NRG2: variants seen among roughly 807,000 people sequenced by gnomAD.
The protein encoded by NRG2 is pro-neuregulin-2, membrane-bound isoform.
A neutral mutation model predicts 73.9 loss-of-function variants in NRG2; 27 were observed. The ratio of observed to expected loss-of-function variants is 0.37; its 90% CI spans 0.27 to 0.50. The LOEUF is 0.50. Among genes scored for constraint, NRG2 ranks in the 20% least tolerant of loss-of-function variants. The pLI is 0.96. For missense variants in NRG2, 1,126 were observed against 1,210.1 expected (o/e 0.93, Z 1.03); for synonymous variants, 532 against 541.0 (o/e 0.98, Z 0.23).
rs1433978401 is a variant in NRG2 at position 139,887,388 on chromosome 5, T to C, written c.824A>G (p.Lys275Arg). ...AATGTCTCGGCTGCGGTTGAGCTCCTTGCCATCCTTGAACCAACGGTAGGA... is the reference window on the plus strand; with the variant it reads ...AATGTCTCGGCTGCGGTTGAGCTCCCTGCCATCCTTGAACCAACGGTAGGA... ...QPSYRWFKDG[K>R]ELNRSRDIRI... The change falls in exon 2 of 10, where the codon AAG (lysine) becomes AGG (arginine). Residue 275 changes from lysine (K) to arginine (R), a missense_variant. Transcript: ENST00000361474. This position sits in a 1 kb window ranked among gnomAD's most constrained non-coding sequence, Gnocchi z 4.5. The C allele has an allele frequency of 1.2e-6, 2 of 1,614,228 alleles. No homozygotes were observed. The highest frequency in any genetic ancestry group is 1.7e-6 in the Non-Finnish European group (2 of 1,180,038).
intron 1 of NRG2, among the ~76,000 whole-genome samples, chr5:139,926,907 G>A (rs1423801848): frequency 2.0e-5 from 3 of 152,202 alleles, no homozygotes; most frequent in Non-Finnish European, 4.4e-5. Context: ...CCATTCCAAA[G>A]TGGATGTGAT....
At chr5:139,888,224 A>G (rs1327052639) in intron 1 of NRG2, among the ~76,000 whole-genome samples, 3 of 152,176 alleles carry the variant, frequency 2.0e-5, no homozygotes, top group Non-Finnish European at 4.4e-5. Flanking sequence ...CCAGTGGGAT[A>G]GTCCCTTACA....
At chr5:139,982,126 C>A (rs1756848540) in intron 1 of NRG2, among the ~76,000 whole-genome samples, 2 of 152,148 alleles carry the variant, frequency 1.3e-5, no homozygotes, top group African/African-American at 4.8e-5. Flanking sequence ...CATGGCTTCC[C>A]ACACCTCCTC....
At chr5:139,967,118 G>A (rs1411974364) in intron 1 of NRG2, among the ~76,000 whole-genome samples, 1 of 152,218 alleles carries the variant, frequency 6.6e-6, no homozygotes, top group Non-Finnish European at 1.5e-5. Context: ...ATAGCCCACG[G>A]GGATAGGGTC....
At chr5:139,933,724 G>T (rs1752643846) in intron 1 of NRG2, among the ~76,000 whole-genome samples, 1 of 152,090 alleles carries the variant, frequency 6.6e-6, no homozygotes, top group African/African-American at 2.4e-5. Flanking sequence ...AGAAATGAGT[G>T]AACTATTAAC....
chr5:139,875,871 G>T (rs1763145113), intron 3 of NRG2, among the ~76,000 whole-genome samples: 1 of 152,232 alleles, frequency 6.6e-6, no homozygotes, highest in South Asian at 2.1e-4. Flanking sequence ...GAAATTGGAA[G>T]CCGTATGCAT....
chr5:139,880,113 G>A (rs1010449280), intron 3 of NRG2, among the ~76,000 whole-genome samples: 2 of 152,164 alleles, frequency 1.3e-5, no homozygotes, highest in East Asian at 3.8e-4. Flanking sequence ...TGTGTGTGTT[G>A]GGGGGAGGAG....
intron 3 of NRG2, among the ~76,000 whole-genome samples, chr5:139,880,030 C>T (rs1233321990): frequency 6.6e-6 from 1 of 152,050 alleles, no homozygotes; most frequent in Admixed American, 6.6e-5. Flanking sequence ...ATGACAGATA[C>T]AGGATTATAT....
At chr5:139,893,854 A>G (rs1050051075) in intron 1 of NRG2, among the ~76,000 whole-genome samples, 2 of 152,164 alleles carry the variant, frequency 1.3e-5, no homozygotes, top group Admixed American at 6.5e-5. Flanking sequence ...CGGGCTCCAT[A>G]AAACTTTAGG....
At chr5:139,858,075 C>T (rs1047967081) in intron 5 of NRG2, among the ~76,000 whole-genome samples, 1 of 152,208 alleles carries the variant, frequency 6.6e-6, no homozygotes, top group African/African-American at 2.4e-5. Context: ...TCATTTTACT[C>T]CCCTGTTTAG....
At chr5:140,023,032 A>G (rs1760365330) in intron 1 of NRG2, among the ~76,000 whole-genome samples, 1 of 152,176 alleles carries the variant, frequency 6.6e-6, no homozygotes. Flanking sequence ...CCTGGCTTCT[A>G]GGACTTTATA....
At chr5:140,011,612 C>T (rs978782598) in intron 1 of NRG2, among the ~76,000 whole-genome samples, 3 of 152,128 alleles carry the variant, frequency 2.0e-5, no homozygotes, top group Non-Finnish European at 4.4e-5. Flanking sequence ...TGGCAGGGAA[C>T]TGATGCCTCT....
rs1244341336 is a variant in NRG2, at chr5:139,852,216, G to A, written c.1544+216C>T. 6.6e-6 allele frequency among the ~76,000 whole-genome samples: 1 copy of A among 152,240 alleles called. No homozygotes were observed. Among genetic ancestry groups the A allele is most frequent in the African/African-American group, 2.4e-5 (1 of 41,464 alleles). Reference sequence around the variant, plus strand: ...CTATTTCCTGGTGCTCCCGAGGGAAGAAGGGAGCCAGCCATGTTATTTTTG... The same window carrying A: ...CTATTTCCTGGTGCTCCCGAGGGAAAAAGGGAGCCAGCCATGTTATTTTTG... On this transcript the variant is annotated intron_variant, in intron 8 of 9. Transcript: ENST00000361474. The surrounding 1 kb of genome is among the most constrained non-coding windows in gnomAD (Gnocchi z 4.4).
rs369793428 is a variant in NRG2, at chr5:139,851,149, G to C, written c.1772+455C>G. ...TTACAGGCATGTGCCACCATGCCTG[G>C]CTAATTTTTGTATTTTTAGTAAAGA... On this transcript the variant is annotated intron_variant, in intron 9 of 9. Transcript: ENST00000361474. This position sits in a 1 kb window ranked among gnomAD's most constrained non-coding sequence, Gnocchi z 4.2. 3.1e-4 allele frequency among the ~76,000 whole-genome samples: 47 copies of C among 152,144 alleles called. No homozygotes were observed. The highest frequency in any genetic ancestry group is 1.1e-3 in the African/African-American group (45 of 41,516).
chr5:139,998,921 ACT>A (rs1758231129), intron 1 of NRG2, among the ~76,000 whole-genome samples: 2 of 152,092 alleles, frequency 1.3e-5, no homozygotes. Flanking sequence ...ATAGCAGAAG[ACT>A]CTGAATCCTA....
At position 139,853,023 on chromosome 5, in the gene NRG2, G is replaced by C. The variant is rs772709368; in HGVS notation, c.1297C>G (p.Gln433Glu). 1 of 1,613,470 alleles carries C rather than the reference G, an allele frequency of 6.2e-7. No individual in the cohort carries two copies. Among genetic ancestry groups the C allele is most frequent in the Non-Finnish European group, 8.5e-7 (1 of 1,179,748 alleles). Residue 433 changes from glutamine to glutamate, a missense_variant, in exon 7 of 10, where the codon CAG becomes GAG. Gln to Glu is a conservative substitution (Grantham distance 29). Coordinates refer to ENST00000361474, the MANE Select transcript of NRG2 (RefSeq NM_004883.3). This position sits in a 1 kb window ranked among gnomAD's most constrained non-coding sequence, Gnocchi z 4.1. Reference protein sequence around the residue: ...CVVAYCKTKKQRKQMHNHLRQ... With the variant: ...CVVAYCKTKKERKQMHNHLRQ... ...AGGTGGTTGTGCATCTGCTTCCGCT[G>C]TTTTCTGCACAAGGGAAGGGAAGGT...
At chr5:139,984,404 T>C (rs572613153) in intron 1 of NRG2, among the ~76,000 whole-genome samples, 38 of 152,274 alleles carry the variant, frequency 2.5e-4, no homozygotes, top group Non-Finnish European at 5.1e-4. Context: ...TAAAATTACA[T>C]GAACATTAAG....
intron 1 of NRG2, among the ~76,000 whole-genome samples, chr5:139,920,734 G>A (rs895244154): frequency 3.3e-5 from 5 of 152,102 alleles, no homozygotes; most frequent in Non-Finnish European, 7.4e-5. Context: ...CTGAGGGTAG[G>A]GAAGGCAGAA....
At chr5:139,925,158 T>C (rs1029239875) in intron 1 of NRG2, among the ~76,000 whole-genome samples, 1 of 152,278 alleles carries the variant, frequency 6.6e-6, no homozygotes, top group East Asian at 1.9e-4. Context: ...AGTTCTATTG[T>C]ATGGTTTCCT....
Sources: allele counts gnomAD v4.1 joint callset (sites outside exome capture counted in the v4.1 genomes callset), GRCh38; gene constraint gnomAD v4.1.1; non-coding constraint Gnocchi (gnomAD v3.1); transcripts MANE v1.5; gene names NCBI Gene and HGNC (gene_info 2026-07-23, HGNC 2026-07-21).